EIF2B3: variants seen among roughly 807,000 people sequenced by gnomAD.
The protein encoded by EIF2B3 is eukaryotic translation initiation factor 2B subunit gamma, also known as translation initiation factor eIF2B subunit gamma.
A neutral mutation model predicts 54.1 loss-of-function variants in EIF2B3; 20 were observed. The observed-to-expected ratio is 0.37, with a 90% CI of 0.26 to 0.54. The LOEUF is 0.54. EIF2B3 is among the 20% of genes least tolerant of loss of function. EIF2B3 has a pLI of 0.86. For synonymous variants in EIF2B3, 153 were observed against 188.1 expected (o/e 0.81, Z 1.52); for missense variants, 448 against 547.8 (o/e 0.82, Z 1.82).
At chr1:44,904,545 G>A (rs1430357585) in intron 5 of EIF2B3, among the ~76,000 whole-genome samples, 1 of 151,748 alleles carries the variant, frequency 6.6e-6, no homozygotes, top group South Asian at 2.1e-4. Context: ...ACGGAGTCTC[G>A]TTCTGTTGCC....
At chr1:44,880,684 C>T (rs1342584124) in intron 7 of EIF2B3, among the ~76,000 whole-genome samples, 1 of 152,124 alleles carries the variant, frequency 6.6e-6, no homozygotes, top group African/African-American at 2.4e-5. Context: ...CAATGCTGGC[C>T]GGGCACGGTG....
chr1:44,942,417 AT>A (rs34978668), intron 3 of EIF2B3, among the ~76,000 whole-genome samples: 5 of 5,186 alleles, frequency 9.6e-4, no homozygotes, highest in African/African-American at 1.8e-3. Context: ...ATATATATAT[AT>A]TTTTTTTTTT....
intron 3 of EIF2B3, among the ~76,000 whole-genome samples, chr1:44,962,587 A>G (rs551450444): frequency 6.6e-6 from 1 of 152,122 alleles, no homozygotes; most frequent in African/African-American, 2.4e-5. Flanking sequence ...ATCTAAAAAA[A>G]TTTGTGTAGC....
chr1:44,937,676 G>C (rs932982720), intron 4 of EIF2B3, among the ~76,000 whole-genome samples: 31 of 151,738 alleles, frequency 2.0e-4, no homozygotes, highest in Admixed American at 3.3e-4. Context: ...GAGGTCAGGA[G>C]ATCGAGACCA....
chr1:44,926,512 T>G, intron 5 of EIF2B3, 116 bp downstream of exon 5: 1 of 778,692 alleles, frequency 1.3e-6, no homozygotes, highest in Non-Finnish European at 2.2e-6. Flanking sequence ...TTCACATACT[T>G]TTGTCAATTT....
intron 3 of EIF2B3, among the ~76,000 whole-genome samples, chr1:44,977,552 C>T (rs1039382740): frequency 2.6e-5 from 4 of 151,712 alleles, no homozygotes; most frequent in African/African-American, 7.3e-5. Flanking sequence ...GCAACCTCCA[C>T]CTCCTGGGTT....
chr1:44,950,959 G>A (rs1227685941), intron 3 of EIF2B3, among the ~76,000 whole-genome samples: 1 of 152,162 alleles, frequency 6.6e-6, no homozygotes, highest in Non-Finnish European at 1.5e-5. Flanking sequence ...GAAGTGTTGG[G>A]ATTACAGGCG....
intron 3 of EIF2B3, among the ~76,000 whole-genome samples, chr1:44,976,623 T>C (rs2148963329): frequency 6.6e-6 from 1 of 152,274 alleles, no homozygotes; most frequent in East Asian, 1.9e-4. Context: ...GCTTTATGCA[T>C]GATAGCCAAA....
intron 5 of EIF2B3, among the ~76,000 whole-genome samples, chr1:44,902,405 G>C (rs114785280): frequency 1.3e-5 from 2 of 151,978 alleles, no homozygotes; most frequent in Non-Finnish European, 2.9e-5. Context: ...TGCCCTCTTA[G>C]ACCACCTGGG....
intron 6 of EIF2B3, among the ~76,000 whole-genome samples, chr1:44,896,353 C>T (rs144292439): frequency 9.0e-4 from 135 of 150,704 alleles, no homozygotes; most frequent in African/African-American, 3.1e-3. Flanking sequence ...GGCCTCTCCA[C>T]AGGAACTTAG....
intron 3 of EIF2B3, among the ~76,000 whole-genome samples, chr1:44,970,827 CTACT>C (rs1349412843): frequency 6.6e-6 from 1 of 152,170 alleles, no homozygotes; most frequent in Non-Finnish European, 1.5e-5. Flanking sequence ...TTGTTGCCTT[CTACT>C]CCTGGTTGGA....
At chr1:44,945,933 A>C (rs1644096966) in intron 3 of EIF2B3, among the ~76,000 whole-genome samples, 1 of 152,090 alleles carries the variant, frequency 6.6e-6, no homozygotes, top group African/African-American at 2.4e-5. Flanking sequence ...CAAGAAAATG[A>C]CTCCAATGCA....
chr1:44,868,173 C>A (rs796749561), intron 10 of EIF2B3, among the ~76,000 whole-genome samples: 2 of 151,970 alleles, frequency 1.3e-5, no homozygotes, highest in African/African-American at 2.4e-5. Context: ...CCGAGGCGAG[C>A]GGATCACAAG....
At chr1:44,937,164 G>A (rs538601558) in intron 4 of EIF2B3, 2 of 152,276 alleles carry the variant, frequency 1.3e-5, no homozygotes, top group Admixed American at 6.5e-5. Flanking sequence ...AAGCTCACGC[G>A]CTCTTGTAAT....
chr1:44,958,718 C>G, intron 3 of EIF2B3: 1 of 1,590,220 alleles, frequency 6.3e-7, no homozygotes, highest in Admixed American at 1.7e-5. Flanking sequence ...GAAACAGTAC[C>G]CTTTCTGGAA....
At chr1:44,891,072 G>A (rs1490248575) in intron 6 of EIF2B3, among the ~76,000 whole-genome samples, 4 of 147,754 alleles carry the variant, frequency 2.7e-5, no homozygotes, top group Non-Finnish European at 6.1e-5. Flanking sequence ...TCATACGGTA[G>A]ATGGGAAAAA....
intron 4 of EIF2B3, among the ~76,000 whole-genome samples, chr1:44,935,600 A>G (rs1339631347): frequency 6.6e-6 from 1 of 152,158 alleles, no homozygotes; most frequent in African/African-American, 2.4e-5. Context: ...CCCGGGTTCA[A>G]GCAATTCTCC....
At chr1:44,883,177 A>T (rs927810880) in intron 6 of EIF2B3, among the ~76,000 whole-genome samples, 28 of 151,554 alleles carry the variant, frequency 1.8e-4, no homozygotes, top group African/African-American at 6.8e-4. Context: ...ACCTCAGGTG[A>T]TCCGCTTGCT....
chr1:44,911,092 G>A (rs1015785417), intron 5 of EIF2B3, among the ~76,000 whole-genome samples: 6 of 152,158 alleles, frequency 3.9e-5, no homozygotes, highest in African/African-American at 1.4e-4. Context: ...GAAATTCAGC[G>A]TTTTAAAAAA....
Sources: allele counts gnomAD v4.1 joint callset (sites outside exome capture counted in the v4.1 genomes callset), GRCh38; gene constraint gnomAD v4.1.1; transcripts MANE v1.5; gene names NCBI Gene and HGNC (gene_info 2026-07-23, HGNC 2026-07-21).